SYN3: variants seen among roughly 807,000 people sequenced by gnomAD.
SYN3 encodes synapsin-3.
A neutral mutation model predicts 65.8 loss-of-function variants in SYN3; 35 were observed. The ratio of observed to expected loss-of-function variants is 0.53; its 90% CI spans 0.41 to 0.70. The LOEUF (loss-of-function observed/expected upper bound fraction) is 0.70, where lower values mean the gene tolerates loss of function less well. Among genes scored for constraint, SYN3 ranks in the 30% least tolerant of loss-of-function variants. The pLI is 0.00. For synonymous variants in SYN3, 270 were observed against 292.9 expected, an observed-to-expected ratio of 0.92 and a Z score of 0.80; for missense variants, 680 against 749.0, an observed-to-expected ratio of 0.91 and a Z score of 1.08.
At chr22:32,514,005 GT>G (rs2057729489) in intron 13 of SYN3, among the ~76,000 whole-genome samples, 181 bp from the exon 14 acceptor site, 1 of 152,172 alleles carries the variant, frequency 6.6e-6, no homozygotes, top group African/African-American at 2.4e-5. Flanking sequence ...AATTTGCAAG[GT>G]GGTTATTTTC....
intron 6 of SYN3, among the ~76,000 whole-genome samples, chr22:32,752,419 T>G (rs771251267): frequency 1.1e-4 from 17 of 152,226 alleles, no homozygotes; most frequent in Non-Finnish European, 1.6e-4. Context: ...CCACCTCTGA[T>G]AGAGCTGGCC....
At chr22:32,961,490 G>A (rs1281587643) in intron 3 of SYN3, among the ~76,000 whole-genome samples, 1 of 152,190 alleles carries the variant, frequency 6.6e-6, no homozygotes, top group Non-Finnish European at 1.5e-5. Context: ...TTGTCAGTGG[G>A]TTTTGGTTTC....
intron 6 of SYN3, among the ~76,000 whole-genome samples, chr22:32,799,285 C>T (rs561312412): frequency 3.3e-5 from 5 of 152,268 alleles, no homozygotes; most frequent in South Asian, 4.1e-4. Flanking sequence ...TCTTGGAATT[C>T]GCTGAACTTC....
intron 6 of SYN3, among the ~76,000 whole-genome samples, chr22:32,679,024 ATTTTCTT>A (rs1040264863): frequency 7.7e-6 from 1 of 129,514 alleles, no homozygotes; most frequent in African/African-American, 2.8e-5. Context: ...AGCAGAAGAC[ATTTTCTT>A]TTTTCTTTGT....
chr22:32,962,891 CTA>C (rs373752803), intron 3 of SYN3, among the ~76,000 whole-genome samples: 5 of 150,590 alleles, frequency 3.3e-5, no homozygotes, highest in Non-Finnish European at 7.4e-5. Context: ...CTATCTCTCT[CTA>C]TATATATATA....
intron 6 of SYN3, among the ~76,000 whole-genome samples, chr22:32,776,744 C>G (rs974132210): frequency 2.0e-5 from 3 of 152,164 alleles, no homozygotes; most frequent in African/African-American, 7.2e-5. Flanking sequence ...GGACAGAGGG[C>G]ATGAAAAGCA....
intron 6 of SYN3, among the ~76,000 whole-genome samples, chr22:32,664,568 T>G (rs375825422): frequency 1.3e-5 from 2 of 148,374 alleles, no homozygotes; most frequent in South Asian, 2.1e-4. Flanking sequence ...CAGCATACAC[T>G]GTACTCAATT....
At chr22:32,863,067 G>A (rs1370037777) in intron 6 of SYN3, 1 of 152,574 alleles carries the variant, frequency 6.6e-6, no homozygotes, top group Non-Finnish European at 1.5e-5. Flanking sequence ...GCCTTGTTGT[G>A]TTCTGACGCC....
At chr22:32,768,320 A>C (rs775143698) in intron 6 of SYN3, among the ~76,000 whole-genome samples, 6 of 152,150 alleles carry the variant, frequency 3.9e-5, no homozygotes, top group Non-Finnish European at 7.3e-5. Flanking sequence ...GACATGCTTC[A>C]TCTACATATT....
intron 6 of SYN3, among the ~76,000 whole-genome samples, chr22:32,683,462 C>A (rs2060550254): frequency 6.6e-6 from 1 of 152,136 alleles, no homozygotes; most frequent in African/African-American, 2.4e-5. Flanking sequence ...CTCTGCTTCA[C>A]AGATCGGGTG....
At chr22:32,820,135 C>G (rs2047194760) in intron 6 of SYN3, among the ~76,000 whole-genome samples, 1 of 152,084 alleles carries the variant, frequency 6.6e-6, no homozygotes, top group South Asian at 2.1e-4. Flanking sequence ...AGTCAGCCCT[C>G]TCATCCTATT....
Position 32,965,974 on chromosome 22 carries a change from A to G in SYN3, c.369+14671T>C, listed in dbSNP as rs933701937. ...CTCCCAAAGTGCTGGGATTACAGGC[A>G]CGGGCCACCGCGCCCGGCCAGATTC... is the stretch of plus-strand genomic sequence containing the variant. On this transcript the variant is annotated intron_variant, in intron 3 of 13. Transcript: ENST00000358763. Among the ~76,000 whole-genome samples the G allele has an allele frequency of 5.4e-4, 82 of 152,222 alleles. 1 individual carries two copies. The highest frequency in any genetic ancestry group is 4.4e-3 in the Admixed American group (67 of 15,270).
intron 3 of SYN3, among the ~76,000 whole-genome samples, chr22:32,959,016 A>C (rs1159096163): frequency 6.6e-6 from 1 of 152,052 alleles, no homozygotes; most frequent in East Asian, 1.9e-4. Context: ...AACATGGTGA[A>C]ACCCCATCTC....
chr22:33,054,978 C>T (rs2054231597), intron 1 of SYN3, among the ~76,000 whole-genome samples: 1 of 152,154 alleles, frequency 6.6e-6, no homozygotes, highest in Admixed American at 6.6e-5. Flanking sequence ...TTACTTTTCT[C>T]CAACACTATT....
At chr22:32,642,857 C>G (rs553089632) in intron 6 of SYN3, among the ~76,000 whole-genome samples, 213 of 152,086 alleles carry the variant, frequency 1.4e-3, no homozygotes, top group African/African-American at 5.0e-3. Flanking sequence ...GTGCTTGGCC[C>G]TATCCCAAAC....
At chr22:32,587,711 C>T (rs976275389) in intron 7 of SYN3, among the ~76,000 whole-genome samples, 5 of 152,160 alleles carry the variant, frequency 3.3e-5, no homozygotes, top group Non-Finnish European at 4.4e-5. Flanking sequence ...ATGACGGCAG[C>T]GAACCTGGCT....
rs973481048 is a variant in SYN3, at chr22:32,796,605, A to T, written c.711+68310T>A. ...CCAGTGCTGGGCAGCAGCCCCACTGAGGGTCTGGCCAGAGCTCATGGGGAT... is the reference window on the plus strand; with the variant it reads ...CCAGTGCTGGGCAGCAGCCCCACTGTGGGTCTGGCCAGAGCTCATGGGGAT... On this transcript the variant is annotated intron_variant, in intron 6 of 13. Coordinates refer to ENST00000358763, the MANE Select transcript of SYN3 (RefSeq NM_003490.4). Among the ~76,000 whole-genome samples, 3 of 152,104 alleles carry T rather than the reference A, an allele frequency of 2.0e-5. No homozygotes were observed. In the South Asian group the frequency reaches 6.2e-4, roughly 32 times the overall value.
intron 7 of SYN3, among the ~76,000 whole-genome samples, chr22:32,552,167 AC>A (rs2146304114): frequency 6.6e-6 from 1 of 152,014 alleles, no homozygotes; most frequent in East Asian, 1.9e-4. Flanking sequence ...AATCGCTTGA[AC>A]CCGGGAGGCG....
chr22:32,651,645 G>A (rs918028640), intron 6 of SYN3, among the ~76,000 whole-genome samples: 2 of 152,120 alleles, frequency 1.3e-5, no homozygotes, highest in African/African-American at 4.8e-5. Context: ...ACTCAGCCAC[G>A]CGTGATACCC....
Sources: gnomAD v4.1 joint callset for allele counts (sites outside exome capture counted in the v4.1 genomes callset) on GRCh38, gnomAD v4.1.1 for gene constraint, MANE v1.5 for transcripts, NCBI Gene and HGNC (gene_info 2026-07-23, HGNC 2026-07-21) for gene names.